Variants in COL5A1 observed in about 807,000 individuals in gnomAD.
COL5A1 encodes collagen type V alpha 1 chain.
Under a neutral mutation model 263.7 loss-of-function variants are expected in COL5A1, and 16 were observed. That is an observed-to-expected ratio of 0.06 (90% CI 0.04 to 0.09). The LOEUF is 0.09. Among genes scored for constraint, COL5A1 ranks in the 10% least tolerant of loss-of-function variants. The probability of loss-of-function intolerance (pLI) is 1.00; values close to 1 mark genes in which losing one functional copy is unlikely to be tolerated. For missense variants in COL5A1, 2,036 were observed against 2,540.5 expected, an observed-to-expected ratio of 0.80 and a Z score of 4.27; for synonymous variants, 1,012 against 1,004.5, an observed-to-expected ratio of 1.01 and a Z score of -0.14.
chr9:134,717,190 C>G (rs916914321), intron 4 of COL5A1, among the ~76,000 whole-genome samples: 6 of 152,130 alleles, frequency 3.9e-5, no homozygotes, highest in Non-Finnish European at 8.8e-5. Context: ...GGAAGTGCCT[C>G]GTGGAGAAGG....
intron 63 of COL5A1, among the ~76,000 whole-genome samples, chr9:134,828,515 AGATACAC>A (rs1324600214): frequency 4.8e-4 from 72 of 151,396 alleles, no homozygotes; most frequent in African/African-American, 1.7e-3. Context: ...CATACCACAC[AGATACAC>A]GATACACATA....
chr9:134,809,424 G>A (rs933404217), intron 43 of COL5A1, 134 bp downstream of exon 43: 5 of 728,174 alleles, frequency 6.9e-6, no homozygotes, highest in Admixed American at 2.0e-5. Context: ...CACCCACCCC[G>A]CAGTCCTGGC....
Position 134,691,092 on chromosome 9 carries a change from C to T in COL5A1, c.277+13C>T, listed in dbSNP as rs1215012362. 4 of 1,612,342 alleles carry T rather than the reference C, an allele frequency of 2.5e-6. No homozygotes were observed. Among genetic ancestry groups the T allele is most frequent in the Non-Finnish European group, 3.4e-6 (4 of 1,180,032 alleles). ...CAGCTGTACCCTGGTAAGTGCCGCA[C>T]CCTTCTGTTTGGGGCGGTGGGTCCC... On this transcript the variant is annotated intron_variant, in intron 2 of 65. Coordinates refer to ENST00000371817, the MANE Select transcript of COL5A1 (RefSeq NM_000093.5).
chr9:134,649,193 G>T (rs912583235), intron 1 of COL5A1, among the ~76,000 whole-genome samples: 6 of 152,152 alleles, frequency 3.9e-5, no homozygotes, highest in African/African-American at 1.4e-4. Context: ...TTGGTGGCTG[G>T]ATGCTCAGTG....
At chr9:134,809,027 C>T in intron 42 of COL5A1, 156 bp from the exon 43 acceptor site, 1 of 720,100 alleles carries the variant, frequency 1.4e-6, no homozygotes, top group Non-Finnish European at 2.5e-6. Flanking sequence ...AGTCGGCCCT[C>T]AGTGGCCCTG....
chr9:134,766,667 CTT>C (rs1836677560), intron 22 of COL5A1, among the ~76,000 whole-genome samples, 169 bp downstream of exon 22: 1 of 152,198 alleles, frequency 6.6e-6, no homozygotes, highest in Admixed American at 6.5e-5. Context: ...CACCTGGAGA[CTT>C]TAGCATGATG....
At chr9:134,760,463 CCCCACATT>C (rs1836334930) in intron 18 of COL5A1, among the ~76,000 whole-genome samples, 2 of 108,064 alleles carry the variant, frequency 1.9e-5, no homozygotes, top group Non-Finnish European at 1.8e-5. Context: ...ACCCACACAC[CCCCACATT>C]CATACACACA....
At chr9:134,828,704 C>T (rs543277424) in intron 63 of COL5A1, among the ~76,000 whole-genome samples, 44 of 562 alleles carry the variant, frequency 0.078, no homozygotes, top group African/African-American at 0.17. Context: ...CCACATACCA[C>T]ACATAGATAC....
chr9:134,812,820 T>C, intron 48 of COL5A1, 108 bp downstream of exon 48: 1 of 808,478 alleles, frequency 1.2e-6, no homozygotes, highest in East Asian at 2.7e-5. Context: ...ATGCACACGC[T>C]TGTGGGGGTG....
chr9:134,766,384 ATTTTCCTCTTGAGCACTG>A, intron 21 of COL5A1, 52 bp from the exon 22 acceptor site: 1 of 1,502,796 alleles, frequency 6.7e-7, no homozygotes, highest in Non-Finnish European at 9.2e-7. Flanking sequence ...GTTGAGTGGG[ATTTTCCTCTTGAGCACTG>A]TGAGTTCTTT....
intron 43 of COL5A1, among the ~76,000 whole-genome samples, 189 bp from the exon 44 acceptor site, chr9:134,810,066 C>T (rs1027096285): frequency 7.2e-5 from 11 of 152,226 alleles, no homozygotes; most frequent in East Asian, 1.9e-4. Flanking sequence ...ATCGAGACCT[C>T]GTCCCTTTTA....
chr9:134,812,613 G>T lies in COL5A1; in HGVS notation c.3753G>T (p.Pro1251=). 1 of 1,605,482 alleles carries T rather than the reference G, an allele frequency of 6.2e-7. No individual in the cohort carries two copies. The highest frequency in any genetic ancestry group is 1.1e-5 in the South Asian group (1 of 89,872). The change falls in exon 48 of 66, where the codon CCG becomes CCT. Residue 1251 remains proline, a synonymous_variant. Coordinates refer to ENST00000371817, the MANE Select transcript of COL5A1 (RefSeq NM_000093.5). Reference sequence around the variant, plus strand: ...TCTCTCCCTTTTCCTAGGGCCCCCCGGGTCCCCCTGGCCCCCGAGGACCCT... The same window carrying T: ...TCTCTCCCTTTTCCTAGGGCCCCCCTGGTCCCCCTGGCCCCCGAGGACCCT... ...ETGDVGQMGP[P]GPPGPRGPSG... is the part of the protein sequence containing the mutation.
chr9:134,738,562 G>C (rs1300877369), intron 10 of COL5A1, 47 bp downstream of exon 10: 14 of 1,612,376 alleles, frequency 8.7e-6, no homozygotes, highest in Non-Finnish European at 1.2e-5. Flanking sequence ...TGCTCTTGGT[G>C]GGGTGGGGTT....
chr9:134,737,326 G>C (rs1385005312), intron 9 of COL5A1, among the ~76,000 whole-genome samples: 2 of 152,222 alleles, frequency 1.3e-5, no homozygotes, highest in Non-Finnish European at 2.9e-5. Context: ...AGCTGCCCCT[G>C]GGCCTGCTGG....
intron 13 of COL5A1, 136 bp from the exon 14 acceptor site, chr9:134,752,452 CT>C (rs1484267325): frequency 1.3e-5 from 9 of 676,826 alleles, no homozygotes; most frequent in South Asian, 8.2e-5. Context: ...GTCATCAGAC[CT>C]CCTTTTCCAG....
rs146121372 is a variant in COL5A1 at position 134,759,668 on chromosome 9, AC to A, written c.1935+1377del. 7.8e-3 allele frequency among the ~76,000 whole-genome samples: 601 copies of A among 77,076 alleles called. 79 individuals are homozygous for A. Among genetic ancestry groups the A allele is most frequent in the African/African-American group, 0.035 (436 of 12,282 alleles). The allele number at this position is 77,076 out of a possible 152,430, so 50.6% of individuals were successfully genotyped here. A position where few individuals can be genotyped will look rare whatever the true frequency, so the allele number is the denominator to read the frequency against. ...CACACATGCACACATACGCATGCAC[AC>A]CCCCACACCCCCACACTCATACACA... On this transcript the variant is annotated intron_variant, in intron 18 of 65. Transcript: ENST00000371817.
Position 134,758,378 on chromosome 9 carries a change from C to T in COL5A1, c.1935+82C>T, listed in dbSNP as rs902583887. ...GGGAGGCCCTTCTCCTTCCAGGCAGCCTCAGATTTCCTGTGGGGTCAGGTC... is the reference window on the plus strand; with the variant it reads ...GGGAGGCCCTTCTCCTTCCAGGCAGTCTCAGATTTCCTGTGGGGTCAGGTC... On this transcript the variant is annotated intron_variant, in intron 18 of 65. Transcript: ENST00000371817. The surrounding 1 kb of genome is among the most constrained non-coding windows in gnomAD (Gnocchi z 4.1). The T allele has an allele frequency of 5.4e-5, 76 of 1,414,502 alleles. No homozygotes were observed. The highest frequency in any genetic ancestry group is 7.4e-5 in the Non-Finnish European group (74 of 1,002,552). The allele number at this position is 1,414,502 out of a possible 1,614,324, so 87.6% of individuals were successfully genotyped here.
intron 30 of COL5A1, 102 bp downstream of exon 30, chr9:134,785,198 G>T (rs977795445): frequency 4.6e-6 from 4 of 872,908 alleles, no homozygotes; most frequent in Non-Finnish European, 1.9e-6. Context: ...TAGGCATGGG[G>T]TGGGGGTGAT....
At chr9:134,698,686 A>C (rs1228826371) in intron 2 of COL5A1, among the ~76,000 whole-genome samples, 1 of 152,154 alleles carries the variant, frequency 6.6e-6, no homozygotes, top group Non-Finnish European at 1.5e-5. Flanking sequence ...GCCTTGCCAC[A>C]ATTTCGCCAG....
Sources: gnomAD v4.1 joint callset for allele counts (sites outside exome capture counted in the v4.1 genomes callset) on GRCh38, gnomAD v4.1.1 for gene constraint, Gnocchi (gnomAD v3.1) non-coding constraint, MANE v1.5 for transcripts, NCBI Gene and HGNC (gene_info 2026-07-23, HGNC 2026-07-21) for gene names.